Variants in CTNNA2 observed in about 807,000 individuals in gnomAD.
CTNNA2 encodes the protein catenin alpha 2, also known as catenin alpha-2.
In CTNNA2, 42 loss-of-function variants were observed where a neutral mutation model predicts 101.0. The ratio of observed to expected loss-of-function variants is 0.42; its 90% CI spans 0.32 to 0.54. CTNNA2 has a LOEUF of 0.54. Among genes scored for constraint, CTNNA2 ranks in the 20% least tolerant of loss-of-function variants. The pLI, the probability that CTNNA2 is intolerant of heterozygous loss-of-function variation, is 0.14. For synonymous variants in CTNNA2, 450 were observed against 456.4 expected, an observed-to-expected ratio of 0.99 and a Z score of 0.18; for missense variants, 871 against 1,223.1, an observed-to-expected ratio of 0.71 and a Z score of 4.29.
intron 2 of CTNNA2, among the ~76,000 whole-genome samples, chr2:79,721,318 T>C (rs1435525693): frequency 3.3e-5 from 5 of 152,162 alleles, no homozygotes; most frequent in African/African-American, 1.2e-4. Flanking sequence ...GCCTTCTTGC[T>C]GTGTCATAAA....
chr2:80,021,882 A>C (rs1038019928), intron 7 of CTNNA2, among the ~76,000 whole-genome samples: 7 of 149,176 alleles, frequency 4.7e-5, no homozygotes, highest in African/African-American at 1.8e-4. Flanking sequence ...TATATGTGCC[A>C]TATATCCACA....
chr2:80,619,053 A>G (rs1225974181), intron 17 of CTNNA2, 32 bp from the exon 18 acceptor site: 5 of 1,315,204 alleles, frequency 3.8e-6, no homozygotes, highest in Non-Finnish European at 4.0e-6. Flanking sequence ...TCTCTCTCTC[A>G]TTCTCTCTTT....
chr2:80,352,019 A>G (rs1265720842), intron 7 of CTNNA2, among the ~76,000 whole-genome samples: 3 of 152,084 alleles, frequency 2.0e-5, no homozygotes, highest in African/African-American at 2.4e-5. Flanking sequence ...ATAGGGTGCT[A>G]TGCTTTTGTT....
At chr2:79,971,214 T>A (rs1422215131) in intron 7 of CTNNA2, among the ~76,000 whole-genome samples, 1 of 152,168 alleles carries the variant, frequency 6.6e-6, no homozygotes, top group Non-Finnish European at 1.5e-5. Context: ...CAAAAGCAAA[T>A]GTACAGACAT....
intron 1 of CTNNA2, among the ~76,000 whole-genome samples, chr2:79,552,075 T>C (rs1412095653): frequency 2.0e-5 from 3 of 152,080 alleles, no homozygotes; most frequent in African/African-American, 7.2e-5. Context: ...AAGTCCACAG[T>C]CCAAAGTCTC....
intron 9 of CTNNA2, among the ~76,000 whole-genome samples, chr2:80,420,710 T>A (rs1188428176): frequency 6.6e-6 from 1 of 152,148 alleles, no homozygotes; most frequent in African/African-American, 2.4e-5. Context: ...GCGCCTTGGT[T>A]AATCCAGCAC....
intron 4 of CTNNA2, among the ~76,000 whole-genome samples, chr2:79,381,371 G>C (rs1260061133): frequency 6.6e-6 from 1 of 152,130 alleles, no homozygotes; most frequent in East Asian, 1.9e-4. Flanking sequence ...CTATGCCCCA[G>C]TCACTGAAAA....
chr2:79,878,297 G>C (rs572985291), intron 6 of CTNNA2, among the ~76,000 whole-genome samples: 3 of 152,060 alleles, frequency 2.0e-5, no homozygotes, highest in Admixed American at 2.0e-4. Flanking sequence ...GTGGCTTTAC[G>C]GTAGAAAGAC....
intron 8 of CTNNA2, among the ~76,000 whole-genome samples, chr2:80,407,017 C>T (rs564898750): frequency 1.3e-5 from 2 of 152,018 alleles, no homozygotes; most frequent in South Asian, 2.1e-4. Flanking sequence ...GGGTCCAGTC[C>T]AGGTCAGAAC....
At chr2:79,850,043 A>G (rs1483164353) in intron 3 of CTNNA2, among the ~76,000 whole-genome samples, 4 of 152,210 alleles carry the variant, frequency 2.6e-5, no homozygotes, top group East Asian at 1.9e-4. Context: ...ACTCAAATGC[A>G]TGCATGCACA....
intron 7 of CTNNA2, among the ~76,000 whole-genome samples, chr2:79,985,609 T>C (rs1377021150): frequency 6.6e-6 from 1 of 152,224 alleles, no homozygotes; most frequent in African/African-American, 2.4e-5. Context: ...GCAAATGTTG[T>C]CACATTTTCA....
intron 3 of CTNNA2, among the ~76,000 whole-genome samples, chr2:79,331,405 C>A (rs1285355026): frequency 6.6e-6 from 1 of 152,190 alleles, no homozygotes; most frequent in African/African-American, 2.4e-5. Flanking sequence ...GTCAGATCCT[C>A]ACACAGCCCT....
At chr2:79,331,022 T>A (rs1203133273) in intron 3 of CTNNA2, among the ~76,000 whole-genome samples, 2 of 152,196 alleles carry the variant, frequency 1.3e-5, no homozygotes, top group African/African-American at 4.8e-5. Flanking sequence ...CTCACCCCGT[T>A]AGGAATTAGT....
At chr2:80,632,270 C>A (rs940004419) in intron 18 of CTNNA2, among the ~76,000 whole-genome samples, 44 of 150,232 alleles carry the variant, frequency 2.9e-4, no homozygotes, top group African/African-American at 1.1e-3. Context: ...ATGACCCCCC[C>A]CACCCCAACA....
intron 2 of CTNNA2, among the ~76,000 whole-genome samples, chr2:79,661,918 G>GCTC (rs1225102200): frequency 6.6e-6 from 1 of 151,754 alleles, no homozygotes; most frequent in Non-Finnish European, 1.5e-5. Context: ...TAGATCTGAA[G>GCTC]CTCCTAAGGA....
At chr2:79,209,448 T>C (rs1021091820) in intron 2 of CTNNA2, among the ~76,000 whole-genome samples, 1 of 152,238 alleles carries the variant, frequency 6.6e-6, no homozygotes, top group Non-Finnish European at 1.5e-5. Context: ...TCTTTTTCTC[T>C]TTCTCTTTAG....
chr2:79,233,729 C>T (rs1340158221), intron 2 of CTNNA2, among the ~76,000 whole-genome samples: 2 of 151,992 alleles, frequency 1.3e-5, no homozygotes, highest in African/African-American at 4.8e-5. Context: ...CTGTTTGCTC[C>T]TATGTTGAGC....
chr2:79,645,053 G>A (rs545250258), intron 1 of CTNNA2, among the ~76,000 whole-genome samples: 73 of 152,134 alleles, frequency 4.8e-4, no homozygotes, highest in Non-Finnish European at 1.3e-4. Flanking sequence ...CATGATCTCG[G>A]CTCACTGCAG....
At chr2:79,570,583 G>C (rs983522981) in intron 1 of CTNNA2, among the ~76,000 whole-genome samples, 1 of 151,998 alleles carries the variant, frequency 6.6e-6, no homozygotes, top group Non-Finnish European at 1.5e-5. Context: ...TTGACACTAG[G>C]TTTAGAATTC....
Sources: allele counts gnomAD v4.1 joint callset (sites outside exome capture counted in the v4.1 genomes callset), GRCh38; gene constraint gnomAD v4.1.1; transcripts MANE v1.5; gene names NCBI Gene and HGNC (gene_info 2026-07-23, HGNC 2026-07-21).